XRCC4: variants seen among roughly 807,000 people sequenced by gnomAD.
XRCC4 encodes the protein DNA repair protein XRCC4.
Under a neutral mutation model 39.1 loss-of-function variants are expected in XRCC4, and 28 were observed. The ratio of observed to expected loss-of-function variants is 0.72; its 90% CI spans 0.53 to 0.98. The LOEUF (loss-of-function observed/expected upper bound fraction) is 0.98, where lower values mean the gene tolerates loss of function less well. Ranked by LOEUF, XRCC4 falls within the 50% of genes least tolerant of loss-of-function variation. The pLI, the probability that XRCC4 is intolerant of heterozygous loss-of-function variation, is 0.00. For missense variants in XRCC4, 350 were observed against 376.4 expected (o/e 0.93, Z 0.58); for synonymous variants, 123 against 126.4 (o/e 0.97, Z 0.18).
At chr5:83,279,046 A>C (rs1163119950) in intron 7 of XRCC4, among the ~76,000 whole-genome samples, 1 of 145,868 alleles carries the variant, frequency 6.9e-6, no homozygotes, top group Non-Finnish European at 1.5e-5. Flanking sequence ...ATAATATATT[A>C]TATATTTTTA....
chr5:83,077,838 C>G (rs993522223), intron 1 of XRCC4: 1 of 157,380 alleles, frequency 6.4e-6, no homozygotes, highest in African/African-American at 2.4e-5. Flanking sequence ...CTGTTCACCC[C>G]CTTTTCAGTT....
At chr5:83,202,986 A>G (rs1015440) in intron 4 of XRCC4, among the ~76,000 whole-genome samples, 55,025 of 151,972 alleles carry the variant, frequency 0.36, 10,734 homozygotes, top group Non-Finnish European at 0.43. Flanking sequence ...CCTTGAATAT[A>G]TCAAGTAGAA....
chr5:83,372,458 A>G, the XRCC4 span, among the ~76,000 whole-genome samples: 2 of 152,176 alleles, frequency 1.3e-5, no homozygotes, highest in East Asian at 1.9e-4. Context: ...ATTGTCATCA[A>G]TCATAAGCCT....
chr5:83,156,798 G>A (rs1413226384), intron 3 of XRCC4, among the ~76,000 whole-genome samples: 3 of 152,102 alleles, frequency 2.0e-5, no homozygotes. Context: ...AACTAACTAA[G>A]TGGTATGGAG....
At chr5:83,105,614 A>T (rs995347846) in intron 2 of XRCC4, among the ~76,000 whole-genome samples, 6 of 152,198 alleles carry the variant, frequency 3.9e-5, no homozygotes, top group African/African-American at 9.6e-5. Flanking sequence ...ATAATATTTT[A>T]AAAATGCTAA....
intron 3 of XRCC4, among the ~76,000 whole-genome samples, chr5:83,135,107 C>T (rs184840581): frequency 1.3e-5 from 2 of 152,328 alleles, no homozygotes; most frequent in East Asian, 3.9e-4. Context: ...ATTCTGGACA[C>T]ACAGGTACCG....
At chr5:83,118,978 T>G (rs1238095731) in intron 3 of XRCC4, among the ~76,000 whole-genome samples, 1 of 152,176 alleles carries the variant, frequency 6.6e-6, no homozygotes, top group Non-Finnish European at 1.5e-5. Flanking sequence ...TTACTATATT[T>G]TAGAAGTTTT....
intron 6 of XRCC4, among the ~76,000 whole-genome samples, chr5:83,206,308 G>C (rs1485478050): frequency 6.6e-6 from 1 of 152,102 alleles, no homozygotes; most frequent in Admixed American, 6.6e-5. Flanking sequence ...TGATGGAGAG[G>C]CGATGAGCAA....
intron 7 of XRCC4, among the ~76,000 whole-genome samples, chr5:83,332,355 A>G (rs1286969448): frequency 6.6e-6 from 1 of 152,070 alleles, no homozygotes; most frequent in Non-Finnish European, 1.5e-5. Context: ...CAATCATTGG[A>G]CATATGTATG....
chr5:83,181,498 T>G (rs1454508355), intron 3 of XRCC4, among the ~76,000 whole-genome samples: 1 of 152,204 alleles, frequency 6.6e-6, no homozygotes, highest in Non-Finnish European at 1.5e-5. Context: ...ATTCATTTAT[T>G]GTGTAATTCT....
chr5:83,161,578 A>G (rs776668059), intron 3 of XRCC4, among the ~76,000 whole-genome samples: 147 of 152,138 alleles, frequency 9.7e-4, no homozygotes, highest in Non-Finnish European at 1.3e-3. Flanking sequence ...TCCAATTTCT[A>G]TGTGTTTCAT....
chr5:83,323,300 C>G (rs544332480), intron 7 of XRCC4, among the ~76,000 whole-genome samples: 285 of 151,032 alleles, frequency 1.9e-3, no homozygotes, highest in African/African-American at 6.6e-3. Flanking sequence ...TCATATTTAT[C>G]AAAAAAAAGT....
chr5:83,154,257 G>C (rs1378730033), intron 3 of XRCC4, among the ~76,000 whole-genome samples: 1 of 152,108 alleles, frequency 6.6e-6, no homozygotes. Context: ...GGCATCCAAA[G>C]ACTCATCATG....
At chr5:83,365,210 T>A in the XRCC4 span, among the ~76,000 whole-genome samples, 1 of 152,162 alleles carries the variant, frequency 6.6e-6, no homozygotes, top group Non-Finnish European at 1.5e-5. Flanking sequence ...CCCATTCAAA[T>A]AAATTGTTTC....
At chr5:83,231,963 A>T (rs770033538) in intron 6 of XRCC4, among the ~76,000 whole-genome samples, 2 of 152,006 alleles carry the variant, frequency 1.3e-5, no homozygotes, top group African/African-American at 2.4e-5. Context: ...TATAATGTGT[A>T]ATACGGTGTT....
chr5:83,127,688 A>G (rs1580258941), intron 3 of XRCC4, among the ~76,000 whole-genome samples: 1 of 152,188 alleles, frequency 6.6e-6, no homozygotes, highest in Non-Finnish European at 1.5e-5. Flanking sequence ...GTCTGGAGCA[A>G]TTTATTCCTC....
intron 3 of XRCC4, among the ~76,000 whole-genome samples, chr5:83,113,849 A>G (rs1375438382): frequency 6.6e-6 from 1 of 152,062 alleles, no homozygotes; most frequent in Admixed American, 6.5e-5. Context: ...GATGGTCTCA[A>G]TCTCCTGACC....
intron 3 of XRCC4, among the ~76,000 whole-genome samples, chr5:83,118,847 C>T (rs1192415317): frequency 1.3e-5 from 2 of 152,058 alleles, no homozygotes; most frequent in African/African-American, 2.4e-5. Flanking sequence ...GTTTTTGTTG[C>T]AAGGATGTTT....
intron 3 of XRCC4, among the ~76,000 whole-genome samples, chr5:83,178,237 C>T (rs1012374098): frequency 8.6e-5 from 13 of 151,880 alleles, no homozygotes; most frequent in East Asian, 5.8e-4. Context: ...GGACCTTTTG[C>T]GACATTCAAT....
Sources: allele counts gnomAD v4.1 joint callset (sites outside exome capture counted in the v4.1 genomes callset), GRCh38; gene constraint gnomAD v4.1.1; transcripts MANE v1.5; gene names NCBI Gene and HGNC (gene_info 2026-07-23, HGNC 2026-07-21).